The following WDR83 variants were observed in gnomAD, a reference collection of about 807,000 sequenced individuals.
The protein encoded by WDR83 is WD repeat domain 83.
WDR83 carries 37 observed loss-of-function variants against 37.7 expected under a neutral mutation model. That is an observed-to-expected ratio of 0.98 (90% CI 0.76 to 1.29). The LOEUF is 1.29. Ranked by LOEUF, WDR83 falls within the 50% of genes most tolerant of loss-of-function variation. The pLI, the probability that WDR83 is intolerant of heterozygous loss-of-function variation, is 0.00. For synonymous variants in WDR83, 174 were observed against 181.1 expected (o/e 0.96, Z 0.31); for missense variants, 445 against 414.4 (o/e 1.07, Z -0.64).
rs760615021 is a variant in WDR83 at position 12,670,279 on chromosome 19, C to T, written c.324C>T (p.His108=). ...AGGTCGTGCGCAAATTCCGGGGCCA[C>T]GCAGGGGTGAGTGAAAGCCTGGAGA... ...SGQVVRKFRG[H]AGKVNTVQFN... is the part of the protein sequence containing the mutation. The change falls in exon 5 of 11, where the codon CAC becomes CAT. Residue 108 remains histidine (H), a synonymous_variant. Transcript: ENST00000418543. 14 of 1,613,802 alleles carry T rather than the reference C, an allele frequency of 8.7e-6. No homozygotes were observed. The highest frequency in any genetic ancestry group is 2.2e-5 in the South Asian group (2 of 91,032).
At chr19:12,669,714 ACCCAAGCGTGGGTTT>A (rs1463412110) in intron 2 of WDR83, 26 bp from the exon 3 acceptor site, 19 of 1,409,508 alleles carry the variant, frequency 1.3e-5, no homozygotes, top group Non-Finnish European at 1.8e-5. Context: ...ATAAGGTTAC[ACCCAAGCGTGGGTTT>A]CTAAGGCGCG....
chr19:12,672,617 G>A, intron 7 of WDR83: 1 of 563,346 alleles, frequency 1.8e-6, no homozygotes. Context: ...TCAAACAAAA[G>A]GAAGAAAAGG....
In WDR83 at chr19:12,670,550, A is replaced by G. The variant is rs951125961; in HGVS notation, c.331-13A>G. ...AAAGTCCAGCCTCCTCTGAGTGGCA[A>G]TAACTTTCTCAGAAGGTGAACACGG... On this transcript the variant is annotated splice_polypyrimidine_tract_variant and intron_variant, in intron 5 of 10. Transcript: ENST00000418543. The G allele has an allele frequency of 6.8e-6, 11 of 1,614,194 alleles. No homozygotes were observed. The highest frequency in any genetic ancestry group is 1.3e-5 in the African/African-American group (1 of 75,060).
intron 10 of WDR83, among the ~76,000 whole-genome samples, chr19:12,675,046 G>A (rs1485602404): frequency 2.0e-5 from 3 of 151,832 alleles, no homozygotes; most frequent in Admixed American, 6.6e-5. Context: ...CTAGGGAGTC[G>A]GAGGTTGCAG....
intron 5 of WDR83, 22 bp from the exon 6 acceptor site, chr19:12,670,541 T>C (rs1365628170): frequency 1.2e-6 from 2 of 1,614,082 alleles, no homozygotes; most frequent in Non-Finnish European, 1.7e-6. Context: ...CAGCCTCCTC[T>C]GAGTGGCAAT....
intron 7 of WDR83, among the ~76,000 whole-genome samples, chr19:12,671,843 G>A (rs916523537): frequency 4.6e-5 from 7 of 151,964 alleles, no homozygotes; most frequent in African/African-American, 1.4e-4. Flanking sequence ...GACTACAGTC[G>A]CGTGCCACCA....
Position 12,672,268 on chromosome 19 carries a change from AGTG to A in WDR83, c.507-574_507-572del, listed in dbSNP as rs905882710. The A allele has an allele frequency of 6.9e-4, 112 of 162,146 alleles. 1 individual carries two copies. Among genetic ancestry groups the A allele is most frequent in the African/African-American group, 2.6e-3 (109 of 41,640 alleles). 10.0% of individuals were successfully genotyped at this position (162,146 alleles called of 1,614,324 possible). A position where few individuals can be genotyped will look rare whatever the true frequency, so the allele number is the denominator to read the frequency against. On this transcript the variant is annotated intron_variant, in intron 7 of 10. Coordinates refer to ENST00000418543, the MANE Select transcript of WDR83 (RefSeq NM_001099737.3). ...GATGCTGGTGCTGGGTAGTGGGGAA[AGTG>A]GTGGGACTGAGTACTGAGGAGGAGG...
intron 2 of WDR83, among the ~76,000 whole-genome samples, chr19:12,668,972 G>A (rs1248946262): frequency 3.3e-5 from 5 of 152,086 alleles, no homozygotes; most frequent in African/African-American, 1.2e-4. Context: ...ACCAAAGACT[G>A]GGGCTTTCTC....
intron 7 of WDR83, chr19:12,671,036 A>G (rs2024400381): frequency 1.5e-6 from 1 of 688,730 alleles, no homozygotes; most frequent in East Asian, 3.5e-5. Context: ...CTACAAAATA[A>G]TAATAATCTG....
rs759392026 is a variant in WDR83 at position 12,668,487 on chromosome 19, CAA to C, written c.-156-20_-156-19del. The stretch of plus-strand genomic sequence containing the variant: ...GGCTGGGGTCCCCCCACCCCTTACT[CAA>C]GAGTCACTTGTTCTGTAGGGCAAGT... On this transcript the variant is annotated intron_variant, in intron 1 of 10. Transcript: ENST00000418543. 2 of 1,613,640 alleles carry C rather than the reference CAA, an allele frequency of 1.2e-6. No individual in the cohort carries two copies. The highest frequency in any genetic ancestry group is 1.7e-6 in the Non-Finnish European group (2 of 1,179,734).
intron 7 of WDR83, chr19:12,672,524 C>T (rs1217032726): frequency 2.3e-5 from 8 of 350,690 alleles, no homozygotes; most frequent in Non-Finnish European, 3.3e-5. Flanking sequence ...AGGAGAATCT[C>T]TTGAACCCGG....
chr19:12,671,548 AG>A (rs1282065260), intron 7 of WDR83, among the ~76,000 whole-genome samples: 2 of 151,762 alleles, frequency 1.3e-5, no homozygotes, highest in Non-Finnish European at 2.9e-5. Flanking sequence ...GCTACTCAGG[AG>A]GCTGAGGCAG....
At chr19:12,671,975 C>T (rs2024433922) in intron 7 of WDR83, among the ~76,000 whole-genome samples, 2 of 152,144 alleles carry the variant, frequency 1.3e-5, no homozygotes, top group Non-Finnish European at 2.9e-5. Context: ...GAATCACAGG[C>T]GTGAGCCACC....
At chr19:12,672,634 CAGA>C (rs2024456439) in intron 7 of WDR83, 1 of 583,924 alleles carries the variant, frequency 1.7e-6, no homozygotes, top group Non-Finnish European at 3.1e-6. Flanking sequence ...AAGGGGGAAT[CAGA>C]AGGACTCCAA....
chr19:12,675,091 C>T (rs967177219), intron 10 of WDR83, among the ~76,000 whole-genome samples: 19 of 144,566 alleles, frequency 1.3e-4, no homozygotes, highest in Admixed American at 6.5e-4. Context: ...TCCAGCCTGG[C>T]GACAGAGCAA....
Position 12,675,513 on chromosome 19 carries a change from C to T in WDR83, c.799-10C>T, listed in dbSNP as rs758759764. The T allele has an allele frequency of 2.7e-5, 44 of 1,602,186 alleles. 1 individual carries two copies. The highest frequency in any genetic ancestry group is 3.4e-5 in the Non-Finnish European group (40 of 1,179,690). On this transcript the variant is annotated splice_polypyrimidine_tract_variant and intron_variant, in intron 10 of 10. Transcript: ENST00000418543. ...CCACAGATAACCACTCCCTACCCCT[C>T]GCTCCACAGGGTGCGCTGGCTCTGG...
chr19:12,674,602 G>C (rs1028476746), intron 10 of WDR83, among the ~76,000 whole-genome samples: 1 of 152,218 alleles, frequency 6.6e-6, no homozygotes, highest in African/African-American at 2.4e-5. Flanking sequence ...AGGAAGCATG[G>C]CTTGCTTGAG....
chr19:12,669,615 C>T (rs2024350883), intron 2 of WDR83, 140 bp from the exon 3 acceptor site: 2 of 910,412 alleles, frequency 2.2e-6, no homozygotes, highest in Non-Finnish European at 1.6e-6. Flanking sequence ...AACCTGAAAG[C>T]GGGCTTCAAT....
intron 10 of WDR83, among the ~76,000 whole-genome samples, chr19:12,675,291 A>G (rs955322489): frequency 2.0e-5 from 3 of 152,140 alleles, no homozygotes; most frequent in Non-Finnish European, 4.4e-5. Context: ...AATCAATAAG[A>G]GGCTCCCAAG....
Sources: allele counts gnomAD v4.1 joint callset (sites outside exome capture counted in the v4.1 genomes callset), GRCh38; gene constraint gnomAD v4.1.1; transcripts MANE v1.5; gene names NCBI Gene and HGNC (gene_info 2026-07-23, HGNC 2026-07-21).